Variants in DIS3L2 observed in about 807,000 individuals in gnomAD.
DIS3L2 encodes DIS3-like exonuclease 2.
Under a neutral mutation model 97.5 loss-of-function variants are expected in DIS3L2, and 34 were observed. The ratio of observed to expected loss-of-function variants is 0.35; its 90% CI spans 0.27 to 0.46. The LOEUF is 0.46. Ranked by LOEUF, DIS3L2 falls within the 20% of genes least tolerant of loss-of-function variation. DIS3L2 has a pLI of 1.00. For synonymous variants in DIS3L2, 435 were observed against 445.2 expected (o/e 0.98, Z 0.29); for missense variants, 1,038 against 1,146.0 (o/e 0.91, Z 1.36).
rs1218076667 is a variant in DIS3L2 at position 232,132,781 on chromosome 2, A to G, written c.702+2062A>G. On this transcript the variant is annotated intron_variant, in intron 7 of 20. Transcript: ENST00000325385. ...TCTTTCCCACCAAGAGACATCAGGT[A>G]TCTGAGTGGCTCCAACAAGAAGGAT... Among the ~76,000 whole-genome samples the G allele has an allele frequency of 3.3e-5, 5 of 152,276 alleles. No individual in the cohort carries two copies. In the South Asian group the frequency reaches 8.3e-4, roughly 25 times the overall value.
rs371449808 is a variant in DIS3L2, at chr2:232,197,875, A to T, written c.1125-12451A>T. ...CTTGGCAGGCTGAGGCAGGAGAATCACTTGAACCCGGGAGGGGAGGCGGAG... is the reference window on the plus strand; with the variant it reads ...CTTGGCAGGCTGAGGCAGGAGAATCTCTTGAACCCGGGAGGGGAGGCGGAG... On this transcript the variant is annotated intron_variant, in intron 9 of 20. Transcript: ENST00000325385. Among the ~76,000 whole-genome samples, 29 of 151,652 alleles carry T rather than the reference A, an allele frequency of 1.9e-4. No homozygotes were observed. In the East Asian group the frequency reaches 4.1e-3, roughly 21 times the overall value.
At chr2:232,087,998 C>T (rs528973513) in intron 6 of DIS3L2, among the ~76,000 whole-genome samples, 8 of 152,302 alleles carry the variant, frequency 5.3e-5, no homozygotes, top group Admixed American at 3.3e-4. Flanking sequence ...ACATCTCTTG[C>T]GATAGGCGCA....
chr2:231,970,896 A>G (rs943010679), intron 1 of DIS3L2, among the ~76,000 whole-genome samples: 1 of 152,166 alleles, frequency 6.6e-6, no homozygotes, highest in Non-Finnish European at 1.5e-5. Flanking sequence ...AAAATACTCT[A>G]TGTCCTTATT....
At chr2:232,341,241 C>A (rs538805666), downstream of DIS3L2, among the ~76,000 whole-genome samples, 1 of 152,170 alleles carries the variant, frequency 6.6e-6, no homozygotes, top group African/African-American at 2.4e-5. Flanking sequence ...GTGGGGCAAG[C>A]GCTCGGGACA....
At chr2:232,265,754 C>T (rs183693893) in intron 13 of DIS3L2, among the ~76,000 whole-genome samples, 4 of 152,290 alleles carry the variant, frequency 2.6e-5, no homozygotes, top group African/African-American at 9.6e-5. Context: ...ATTACAAAAT[C>T]CATTAAGCAT....
chr2:232,104,106 A>G (rs1481824306), intron 6 of DIS3L2, among the ~76,000 whole-genome samples: 1 of 152,000 alleles, frequency 6.6e-6, no homozygotes, highest in African/African-American at 2.4e-5. Flanking sequence ...TGTTTTTATT[A>G]CCAAGGAATT....
chr2:232,015,988 G>T, intron 3 of DIS3L2: 1 of 199,694 alleles, frequency 5.0e-6, no homozygotes. Flanking sequence ...GCCATGGATT[G>T]GTGCAGTTTG....
chr2:232,007,193 A>G (rs548578921), intron 1 of DIS3L2, among the ~76,000 whole-genome samples: 14 of 152,360 alleles, frequency 9.2e-5, no homozygotes, highest in African/African-American at 3.4e-4. Context: ...GTAGATTAAA[A>G]TAACATGAAG....
intron 9 of DIS3L2, among the ~76,000 whole-genome samples, chr2:232,192,228 C>A (rs1047802148): frequency 4.6e-4 from 70 of 152,222 alleles, no homozygotes; most frequent in African/African-American, 1.5e-3. Flanking sequence ...TTATCATCTC[C>A]TTTAATCATT....
chr2:232,072,255 T>C (rs916145370), intron 5 of DIS3L2, among the ~76,000 whole-genome samples: 2 of 152,076 alleles, frequency 1.3e-5, no homozygotes, highest in Non-Finnish European at 2.9e-5. Context: ...AATGGTGATA[T>C]GTGCTGAAGA....
intron 7 of DIS3L2, 53 bp from the exon 8 acceptor site, chr2:232,136,419 T>C: frequency 1.3e-6 from 2 of 1,599,196 alleles, no homozygotes; most frequent in Non-Finnish European, 1.7e-6. Flanking sequence ...CTCTCCCAAG[T>C]GTAATTCAGT....
intron 1 of DIS3L2, among the ~76,000 whole-genome samples, chr2:232,010,243 C>T (rs985746285): frequency 4.6e-5 from 7 of 152,080 alleles, no homozygotes; most frequent in African/African-American, 1.7e-4. Context: ...CTCATTCAAC[C>T]GTCTGGATAT....
At chr2:232,299,141 C>T (rs1427095591) in intron 13 of DIS3L2, among the ~76,000 whole-genome samples, 1 of 152,202 alleles carries the variant, frequency 6.6e-6, no homozygotes, top group African/African-American at 2.4e-5. Context: ...ATCAAATCCA[C>T]CAGCATATCT....
intron 14 of DIS3L2, among the ~76,000 whole-genome samples, chr2:232,311,543 G>GT (rs1336149748): frequency 6.6e-6 from 1 of 152,124 alleles, no homozygotes. Flanking sequence ...CCCGGGCAGT[G>GT]TAACGACAAT....
intron 5 of DIS3L2, among the ~76,000 whole-genome samples, chr2:232,048,454 C>T (rs1002077661): frequency 1.3e-5 from 2 of 152,220 alleles, no homozygotes; most frequent in Non-Finnish European, 2.9e-5. Flanking sequence ...AGTTGTAGGC[C>T]GGGCGCGGTG....
chr2:232,250,337 AT>A (rs34243603), intron 12 of DIS3L2, among the ~76,000 whole-genome samples: 37,839 of 149,770 alleles, frequency 0.25, 5,217 homozygotes, highest in South Asian at 0.48. Flanking sequence ...CAGTAAAAGG[AT>A]TTTTTTTTTT....
At chr2:232,251,588 T>C (rs1443662102) in intron 12 of DIS3L2, among the ~76,000 whole-genome samples, 1 of 152,220 alleles carries the variant, frequency 6.6e-6, no homozygotes, top group African/African-American at 2.4e-5. Flanking sequence ...GAAGATGTGA[T>C]TTTCCATATT....
chr2:231,979,385 T>C (rs933879616), intron 1 of DIS3L2, among the ~76,000 whole-genome samples: 3 of 151,650 alleles, frequency 2.0e-5, no homozygotes, highest in African/African-American at 4.9e-5. Context: ...GCCTCCCGAG[T>C]AGCTAGGTCT....
intron 14 of DIS3L2, 26 bp from the exon 15 acceptor site, chr2:232,329,787 C>CCCGGGGGGGCG: frequency 2.8e-6 from 3 of 1,062,210 alleles, no homozygotes; most frequent in Non-Finnish European, 3.9e-6. Flanking sequence ...CCCAGCGGTC[C>CCCGGGGGGGCG]CTCCCATCCC....
Sources: gnomAD v4.1 joint callset for allele counts (sites outside exome capture counted in the v4.1 genomes callset) on GRCh38, gnomAD v4.1.1 for gene constraint, MANE v1.5 for transcripts, NCBI Gene and HGNC (gene_info 2026-07-23, HGNC 2026-07-21) for gene names.